The following BIRC6 variants were observed in gnomAD, a reference collection of about 807,000 sequenced individuals.
BIRC6 encodes the protein baculoviral IAP repeat containing 6.
Under a neutral mutation model 503.3 loss-of-function variants are expected in BIRC6, and 98 were observed. The observed-to-expected ratio is 0.19, with a 90% CI of 0.17 to 0.23. BIRC6 has a LOEUF of 0.23. Among genes scored for constraint, BIRC6 ranks in the 10% least tolerant of loss-of-function variants. The pLI is 1.00. For synonymous variants in BIRC6, 2,240 were observed against 2,078.7 expected (o/e 1.08, Z -2.11); for missense variants, 5,360 against 5,806.0 (o/e 0.92, Z 2.50).
rs10528992 is a variant in BIRC6, at chr2:32,508,276, C to CTTTTTTTTTTTTTTTTTTTTTTT, written c.9980+22_9980+44dup. On this transcript the variant is annotated intron_variant, in intron 51 of 73. Coordinates refer to ENST00000421745, the MANE Select transcript of BIRC6 (RefSeq NM_016252.4). ...CAAAACAAGGTATGTTTTGTTTGTC[C>CTTTTTTTTTTTTTTTTTTTTTTT]TTTTTTTTTTTTTTTTTTTTTTTTT... The CTTTTTTTTTTTTTTTTTTTTTTT allele has an allele frequency of 2.1e-5, 18 of 864,878 alleles. 2 individuals are homozygous for CTTTTTTTTTTTTTTTTTTTTTTT. The African/African-American group carries it at 4.2e-4, about 20-fold the overall frequency. The allele number at this position is 864,878 out of a possible 1,614,324, so 53.6% of individuals were successfully genotyped here. A position where few individuals can be genotyped will look rare whatever the true frequency, so the allele number is the denominator to read the frequency against.
chr2:32,529,931 G>A, intron 60 of BIRC6, 107 bp downstream of exon 60: 1 of 700,980 alleles, frequency 1.4e-6, no homozygotes, highest in Non-Finnish European at 2.0e-6. Flanking sequence ...ATCAACATAA[G>A]ATATAATTTT....
At chr2:32,368,466 G>T (rs1471318070) in intron 1 of BIRC6, among the ~76,000 whole-genome samples, 1 of 152,062 alleles carries the variant, frequency 6.6e-6, no homozygotes, top group African/African-American at 2.4e-5. Flanking sequence ...CTTGAACCCA[G>T]GCGGCAGAGG....
At chr2:32,419,561 GAGAA>G (rs1402219182) in intron 10 of BIRC6, among the ~76,000 whole-genome samples, 1 of 152,144 alleles carries the variant, frequency 6.6e-6, no homozygotes, top group African/African-American at 2.4e-5. Flanking sequence ...AGACTTAAAT[GAGAA>G]AGAAGACTAA....
chr2:32,427,019 A>C (rs1275812071), intron 10 of BIRC6, among the ~76,000 whole-genome samples: 1 of 152,142 alleles, frequency 6.6e-6, no homozygotes, highest in African/African-American at 2.4e-5. Flanking sequence ...ATGTCTGATG[A>C]ATAATTTTTA....
chr2:32,429,863 G>C (rs929235419), intron 11 of BIRC6, among the ~76,000 whole-genome samples: 32 of 152,090 alleles, frequency 2.1e-4, no homozygotes, highest in African/African-American at 7.0e-4. Flanking sequence ...TAACCAAGGT[G>C]TCTTGGTTAA....
At chr2:32,499,281 G>A (rs900674753) in intron 45 of BIRC6, among the ~76,000 whole-genome samples, 3 of 152,146 alleles carry the variant, frequency 2.0e-5, no homozygotes, top group Non-Finnish European at 2.9e-5. Context: ...AATCACTTCC[G>A]GATATACTTG....
intron 65 of BIRC6, among the ~76,000 whole-genome samples, chr2:32,550,483 G>A (rs1334276606): frequency 1.3e-5 from 2 of 152,038 alleles, no homozygotes; most frequent in African/African-American, 4.8e-5. Flanking sequence ...TGATACATCA[G>A]ACTGGTCTTT....
intron 3 of BIRC6, among the ~76,000 whole-genome samples, chr2:32,387,836 A>G (rs1458244142): frequency 6.6e-6 from 1 of 152,208 alleles, no homozygotes; most frequent in Non-Finnish European, 1.5e-5. Context: ...TTTTGGTGAT[A>G]TATATAAGAA....
chr2:32,465,184 AATTT>A lies in BIRC6; in HGVS notation c.5356+21_5356+24del. On this transcript the variant is annotated intron_variant, in intron 26 of 73. Coordinates refer to ENST00000421745, the MANE Select transcript of BIRC6 (RefSeq NM_016252.4). The stretch of plus-strand genomic sequence containing the variant: ...ATTCAGGTAATCTTTTACTTTCTTA[AATTT>A]TTTTTTTTTTTTTTTTGCTTAGTCT... The A allele has an allele frequency of 7.8e-7, 1 of 1,289,620 alleles. No individual in the cohort carries two copies. The allele number at this position is 1,289,620 out of a possible 1,614,324, so 79.9% of individuals were successfully genotyped here.
chr2:32,599,742 C>G lies in BIRC6; in HGVS notation c.13834C>G (p.Leu4612Val). 6.2e-7 allele frequency: 1 copy of G among 1,612,828 alleles called. No homozygotes were observed. The highest frequency in any genetic ancestry group is 8.5e-7 in the Non-Finnish European group (1 of 1,178,960). Residue 4612 changes from leucine to valine, a missense_variant, in exon 70 of 74, where the codon CTA (leucine) becomes GTA (valine). Leu to Val is a conservative substitution (Grantham distance 32). Around this residue, in one of 16 missense-constraint regions of BIRC6, gnomAD observed 66 missense variants for 113.2 expected, o/e 0.58. Coordinates refer to ENST00000421745, the MANE Select transcript of BIRC6 (RefSeq NM_016252.4). ...DEERLDIMKV[L>V]ITGPADTPYA... ...TTGTATGTTTATATATATCCAGGTT[C>G]TAATAACTGGTCCAGCGGACACCCC...
At chr2:32,588,472 G>A (rs1392499085) in intron 66 of BIRC6, among the ~76,000 whole-genome samples, 2 of 152,122 alleles carry the variant, frequency 1.3e-5, no homozygotes, top group Non-Finnish European at 2.9e-5. Context: ...CAATGTCTTG[G>A]TGATAAAATG....
chr2:32,460,217 T>TC (rs1201447473), intron 23 of BIRC6, among the ~76,000 whole-genome samples: 4 of 137,266 alleles, frequency 2.9e-5, no homozygotes, highest in African/African-American at 1.1e-4. Context: ...ATGATATATA[T>TC]ATATCTCATA....
chr2:32,453,726 A>T (rs771463505), intron 22 of BIRC6, 82 bp from the exon 23 acceptor site: 127 of 1,282,442 alleles, frequency 9.9e-5, no homozygotes, highest in Admixed American at 8.0e-4. Flanking sequence ...TTAAAATTGA[A>T]GTTGCAGCTA....
At chr2:32,556,870 C>T (rs2058817746) in intron 65 of BIRC6, among the ~76,000 whole-genome samples, 1 of 151,984 alleles carries the variant, frequency 6.6e-6, no homozygotes, top group Non-Finnish European at 1.5e-5. Context: ...AGCCGGGAGG[C>T]AGAGGTTGCA....
intron 17 of BIRC6, 76 bp from the exon 18 acceptor site, chr2:32,441,989 C>A: frequency 9.3e-7 from 1 of 1,078,300 alleles, no homozygotes; most frequent in South Asian, 2.4e-5. Context: ...TTAAACATTG[C>A]CTTTCCAGCC....
chr2:32,377,177 A>G (rs779845458), intron 1 of BIRC6, among the ~76,000 whole-genome samples: 7 of 151,306 alleles, frequency 4.6e-5, no homozygotes, highest in Admixed American at 1.3e-4. Flanking sequence ...AGTTTTAAAC[A>G]TTTTACTACA....
intron 65 of BIRC6, among the ~76,000 whole-genome samples, chr2:32,570,687 A>G (rs2059855854): frequency 1.5e-5 from 2 of 132,038 alleles, no homozygotes; most frequent in South Asian, 4.8e-4. Flanking sequence ...TTTAGTAGAG[A>G]TGGGTTTCAC....
intron 50 of BIRC6, among the ~76,000 whole-genome samples, chr2:32,507,473 C>A (rs530548099): frequency 6.6e-6 from 1 of 152,210 alleles, no homozygotes; most frequent in Admixed American, 6.5e-5. Context: ...AATTTCTAAA[C>A]TCAGCTGTGA....
chr2:32,403,932 T>G (rs1276102602), intron 8 of BIRC6, among the ~76,000 whole-genome samples: 1 of 150,580 alleles, frequency 6.6e-6, no homozygotes, highest in African/African-American at 2.4e-5. Flanking sequence ...GTGTGTGTTT[T>G]TTTTTTTTTT....
Sources: gnomAD v4.1 joint callset for allele counts (sites outside exome capture counted in the v4.1 genomes callset) on GRCh38, gnomAD v4.1.1 for gene constraint, gnomAD v4.1.1 regional missense constraint, MANE v1.5 for transcripts, NCBI Gene and HGNC (gene_info 2026-07-23, HGNC 2026-07-21) for gene names.